The following DLGAP2 variants were observed in gnomAD, a reference collection of about 807,000 sequenced individuals.
DLGAP2 encodes disks large-associated protein 2.
Under a neutral mutation model 100.3 loss-of-function variants are expected in DLGAP2, and 26 were observed. The observed-to-expected ratio is 0.26, with a 90% confidence interval of 0.19 to 0.36. DLGAP2 has a LOEUF of 0.36. Among genes scored for constraint, DLGAP2 ranks in the 10% least tolerant of loss-of-function variants. The probability of loss-of-function intolerance (pLI) is 1.00; values close to 1 mark genes in which losing one functional copy is unlikely to be tolerated. For synonymous variants in DLGAP2, 886 were observed against 630.1 expected, an observed-to-expected ratio of 1.41 and a Z score of -6.08; for missense variants, 1,858 against 1,453.2, an observed-to-expected ratio of 1.28 and a Z score of -4.53.
At chr8:1,534,823 G>C (rs547924719) in intron 4 of DLGAP2, among the ~76,000 whole-genome samples, 1 of 152,200 alleles carries the variant, frequency 6.6e-6, no homozygotes, top group South Asian at 2.1e-4. Flanking sequence ...ATGTGTGTGC[G>C]TGTGCGCACG....
intron 2 of DLGAP2, among the ~76,000 whole-genome samples, chr8:1,056,620 C>T (rs933860288): frequency 2.6e-5 from 4 of 152,222 alleles, no homozygotes; most frequent in African/African-American, 9.6e-5. Flanking sequence ...GCCAGGACAC[C>T]GGCACACCCG....
chr8:790,831 G>C (rs906948177), intron 1 of DLGAP2, among the ~76,000 whole-genome samples: 1 of 151,944 alleles, frequency 6.6e-6, no homozygotes, highest in Non-Finnish European at 1.5e-5. Flanking sequence ...CTGCAACCTC[G>C]AACTCCTGGG....
intron 1 of DLGAP2, among the ~76,000 whole-genome samples, chr8:783,726 G>A (rs1246282830): frequency 6.6e-6 from 1 of 152,134 alleles, no homozygotes; most frequent in Non-Finnish European, 1.5e-5. Flanking sequence ...CCCCTCTTAT[G>A]AAAGAGGGAA....
At chr8:1,244,358 C>G (rs537964890) in intron 2 of DLGAP2, among the ~76,000 whole-genome samples, 13 of 152,120 alleles carry the variant, frequency 8.5e-5, no homozygotes, top group African/African-American at 2.9e-4. Context: ...TGGCTGAGCA[C>G]ATGTGTTAAA....
intron 2 of DLGAP2, among the ~76,000 whole-genome samples, chr8:1,020,563 G>C (rs995679023): frequency 6.6e-6 from 1 of 152,248 alleles, no homozygotes; most frequent in African/African-American, 2.4e-5. Flanking sequence ...ATCAGGGCAT[G>C]TCTGAGAGTG....
chr8:1,100,277 C>T (rs1804533031), intron 2 of DLGAP2, among the ~76,000 whole-genome samples: 1 of 151,584 alleles, frequency 6.6e-6, no homozygotes, highest in South Asian at 2.1e-4. Flanking sequence ...AACCTTTGTC[C>T]AGCATGTCCA....
At chr8:868,663 G>A (rs537833935) in intron 1 of DLGAP2, among the ~76,000 whole-genome samples, 2 of 152,330 alleles carry the variant, frequency 1.3e-5, no homozygotes, top group South Asian at 2.1e-4. Flanking sequence ...CCAAGGGTGC[G>A]CGGCACCTTG....
intron 2 of DLGAP2, among the ~76,000 whole-genome samples, chr8:1,068,300 C>T (rs555505022): frequency 6.6e-6 from 1 of 152,320 alleles, no homozygotes; most frequent in Non-Finnish European, 1.5e-5. Context: ...AAGTTTCCAG[C>T]TCATCTGGGT....
At chr8:996,717 C>CT (rs1800794538) in intron 2 of DLGAP2, among the ~76,000 whole-genome samples, 1 of 152,184 alleles carries the variant, frequency 6.6e-6, no homozygotes, top group Non-Finnish European at 1.5e-5. Flanking sequence ...TCATCATTCA[C>CT]TGTTTAATAC....
chr8:1,391,376 G>T (rs751991361), intron 3 of DLGAP2, among the ~76,000 whole-genome samples: 7 of 152,236 alleles, frequency 4.6e-5, no homozygotes, highest in Non-Finnish European at 8.8e-5. Flanking sequence ...TCAGAGGCCA[G>T]ATCGGATCTG....
At chr8:1,268,860 G>A (rs987343639) in intron 3 of DLGAP2, among the ~76,000 whole-genome samples, 1 of 152,192 alleles carries the variant, frequency 6.6e-6, no homozygotes, top group African/African-American at 2.4e-5. Context: ...CAAAGACAAA[G>A]AAGCTTTTAT....
chr8:875,835 T>C (rs1331452422), intron 1 of DLGAP2, among the ~76,000 whole-genome samples: 1 of 152,202 alleles, frequency 6.6e-6, no homozygotes, highest in Non-Finnish European at 1.5e-5. Context: ...CCCATATATG[T>C]TTTAGCTTAT....
intron 4 of DLGAP2, among the ~76,000 whole-genome samples, chr8:1,540,288 C>T (rs1342439983): frequency 3.3e-5 from 5 of 152,190 alleles, no homozygotes; most frequent in Non-Finnish European, 7.3e-5. Context: ...CTGACGTTTG[C>T]CTGTTTATCT....
At chr8:1,102,163 C>T in intron 2 of DLGAP2, among the ~76,000 whole-genome samples, 1 of 148,642 alleles carries the variant, frequency 6.7e-6, no homozygotes, top group Middle Eastern at 3.3e-3. Flanking sequence ...TATATTCAAG[C>T]TTTTACTAAT....
At chr8:1,339,505 C>T (rs545359233) in intron 3 of DLGAP2, among the ~76,000 whole-genome samples, 2 of 152,216 alleles carry the variant, frequency 1.3e-5, no homozygotes, top group African/African-American at 4.8e-5. Flanking sequence ...GGAACCGCAG[C>T]ACTGTCCCCT....
At chr8:888,419 G>A (rs4735951) in intron 1 of DLGAP2, among the ~76,000 whole-genome samples, 1 of 151,866 alleles carries the variant, frequency 6.6e-6, no homozygotes, top group African/African-American at 2.4e-5. Context: ...AGTTCTGCAC[G>A]CTGACTTGTG....
intron 3 of DLGAP2, among the ~76,000 whole-genome samples, chr8:1,492,385 G>A (rs1202930994): frequency 6.6e-6 from 1 of 152,146 alleles, no homozygotes; most frequent in East Asian, 1.9e-4. Flanking sequence ...ATGTAGGCTC[G>A]AGCGTGCTTT....
rs1171297028 is a variant in DLGAP2, at chr8:1,693,157, TTAAC to T, written c.2796+1534_2796+1537del. ...ATTAACATATAACAAATATATAACA[TTAAC>T]TACATATTTTATATATACAAATATA... is the stretch of plus-strand genomic sequence containing the variant. On this transcript the variant is annotated intron_variant, in intron 13 of 14. Coordinates refer to ENST00000637795, the MANE Select transcript of DLGAP2 (RefSeq NM_001346810.2). Among the ~76,000 whole-genome samples the T allele has an allele frequency of 5.4e-5, 8 of 147,748 alleles. No individual in the cohort carries two copies. The South Asian group carries it at 8.4e-4, about 16-fold the overall frequency.
chr8:1,366,037 T>A (rs1420225504), intron 3 of DLGAP2, among the ~76,000 whole-genome samples: 1 of 152,200 alleles, frequency 6.6e-6, no homozygotes, highest in African/African-American at 2.4e-5. Flanking sequence ...AGAGGTGCCA[T>A]CCCAGGAACC....
Sources: gnomAD v4.1 joint callset for allele counts (sites outside exome capture counted in the v4.1 genomes callset) on GRCh38, gnomAD v4.1.1 for gene constraint, MANE v1.5 for transcripts, NCBI Gene and HGNC (gene_info 2026-07-23, HGNC 2026-07-21) for gene names.